Variants in EVI5L observed in about 807,000 individuals in gnomAD.
EVI5L encodes EVI5-like protein.
EVI5L carries 30 observed loss-of-function variants against 106.1 expected under a neutral mutation model. The ratio of observed to expected loss-of-function variants is 0.28; its 90% CI spans 0.21 to 0.38. The LOEUF (loss-of-function observed/expected upper bound fraction) is 0.38, where lower values mean the gene tolerates loss of function less well. Ranked by LOEUF, EVI5L falls within the 10% of genes least tolerant of loss-of-function variation. The pLI, the probability that EVI5L is intolerant of heterozygous loss-of-function variation, is 1.00. For synonymous variants in EVI5L, 489 were observed against 483.3 expected (o/e 1.01, Z -0.15); for missense variants, 809 against 1,098.0 (o/e 0.74, Z 3.72).
intron 8 of EVI5L, among the ~76,000 whole-genome samples, chr19:7,852,646 G>T (rs973322422): frequency 6.6e-6 from 1 of 151,882 alleles, no homozygotes; most frequent in Non-Finnish European, 1.5e-5. Context: ...CCACCTCCTG[G>T]GCTGAAGCGA....
At position 7,835,213 on chromosome 19, in the gene EVI5L, AAGTGGT is replaced by A. The variant is rs144926843; in HGVS notation, c.-48+4835_-48+4840del. 0.074 allele frequency among the ~76,000 whole-genome samples: 11,175 copies of A among 151,928 alleles called. 406 individuals are homozygous for A. Among genetic ancestry groups the A allele is most frequent in the Middle Eastern group, 0.12 (34 of 292 alleles). On this transcript the variant is annotated intron_variant, in intron 1 of 19. Coordinates refer to ENST00000538904, the MANE Select transcript of EVI5L (RefSeq NM_001159944.3). This position sits in a 1 kb window ranked among gnomAD's most constrained non-coding sequence, Gnocchi z 4.1. ...TCATACCCAAGGTTACAAAGATAGA[AAGTGGT>A]AGAGGAGGCCAGGAGCGGTGGCTCA... is the stretch of plus-strand genomic sequence containing the variant.
At chr19:7,842,457 G>C (rs558418577) in intron 1 of EVI5L, among the ~76,000 whole-genome samples, 118 of 147,680 alleles carry the variant, frequency 8.0e-4, no homozygotes, top group African/African-American at 2.9e-3. Flanking sequence ...ATGTGTGAAT[G>C]TGTGTGTATC....
At chr19:7,862,902 C>T in intron 17 of EVI5L, 70 bp from the exon 18 acceptor site, 1 of 1,166,320 alleles carries the variant, frequency 8.6e-7, no homozygotes, top group South Asian at 1.4e-5. Flanking sequence ...CGCCCCTGCC[C>T]GCGGTCCCGC....
At chr19:7,862,928 GC>G in intron 17 of EVI5L, 43 bp from the exon 18 acceptor site, 1 of 1,276,556 alleles carries the variant, frequency 7.8e-7, no homozygotes, top group Non-Finnish European at 1.1e-6. Flanking sequence ...GATGCGCCGC[GC>G]CCCCTGACCC....
chr19:7,832,659 T>G (rs561865451), intron 1 of EVI5L, among the ~76,000 whole-genome samples: 1 of 152,204 alleles, frequency 6.6e-6, no homozygotes, highest in South Asian at 2.1e-4. Flanking sequence ...GCGAGGGTCT[T>G]AGTTGACACT....
intron 6 of EVI5L, among the ~76,000 whole-genome samples, chr19:7,851,025 G>C (rs1233751385): frequency 1.3e-5 from 2 of 152,092 alleles, no homozygotes; most frequent in Admixed American, 6.5e-5. Context: ...ACAAGGTGGG[G>C]GGGGGGCTCC....
Position 7,837,566 on chromosome 19 carries a change from C to T in EVI5L, c.-48+7185C>T, listed in dbSNP as rs532338737. Among the ~76,000 whole-genome samples, 176 of 152,232 alleles carry T rather than the reference C, an allele frequency of 1.2e-3. 1 individual carries two copies. The highest frequency in any genetic ancestry group is 7.3e-3 in the South Asian group (35 of 4,822). On this transcript the variant is annotated intron_variant, in intron 1 of 19. Transcript: ENST00000538904. ...GATTTCCTTTGTTTTTTCCCAGTAA[C>T]CTTCTTCCATCCCAGGATCCCACAT...
At position 7,858,384 on chromosome 19, in the gene EVI5L, C is replaced by T. The variant is rs1401778459; in HGVS notation, c.1374+53C>T. 9 of 1,497,238 alleles carry T rather than the reference C, an allele frequency of 6.0e-6. No individual in the cohort carries two copies. The highest frequency in any genetic ancestry group is 2.4e-4 in the Middle Eastern group (1 of 4,188). The allele number at this position is 1,497,238 out of a possible 1,614,324, so 92.7% of individuals were successfully genotyped here. On this transcript the variant is annotated intron_variant, in intron 13 of 19. Transcript: ENST00000538904. The surrounding 1 kb of genome is among the most constrained non-coding windows in gnomAD (Gnocchi z 5.7). ...GCGGGGCCATGACCCGCGCCCCCGC[C>T]CCCGCCCAACGGTTTTCTTTCAGGG...
intron 1 of EVI5L, among the ~76,000 whole-genome samples, chr19:7,842,707 G>A (rs1027279154): frequency 4.6e-5 from 7 of 151,876 alleles, no homozygotes; most frequent in African/African-American, 1.7e-4. Flanking sequence ...CAAGTGTGTG[G>A]ATGTGCACGA....
rs1294206867 is a variant in EVI5L at position 7,848,090 on chromosome 19, G to A, written c.327+169G>A. Among the ~76,000 whole-genome samples, 1 of 152,176 alleles carries A rather than the reference G, an allele frequency of 6.6e-6. No individual in the cohort carries two copies. The highest frequency in any genetic ancestry group is 1.9e-4 in the East Asian group (1 of 5,188). On this transcript the variant is annotated intron_variant, in intron 3 of 19. Coordinates refer to ENST00000538904, the MANE Select transcript of EVI5L (RefSeq NM_001159944.3). The surrounding 1 kb of genome is among the most constrained non-coding windows in gnomAD (Gnocchi z 4.8). ...GTCCTGCCAGAGCACAGGGACAGGA[G>A]AGAGTGAGTCAGGGTGGTGCTGGAC...
In EVI5L at chr19:7,848,839, C is replaced by A; in HGVS notation, c.328-82C>A. 1 of 1,360,782 alleles carries A rather than the reference C, an allele frequency of 7.3e-7. No individual in the cohort carries two copies. The highest frequency in any genetic ancestry group is 1.0e-6 in the Non-Finnish European group (1 of 980,456). 84.3% of individuals were successfully genotyped at this position (1,360,782 alleles called of 1,614,324 possible). ...CCATGCTTGAGGCCTGGATGAGCCA[C>A]GCCTGAGGAGCTGGGCTGGGTGGCC... On this transcript the variant is annotated intron_variant, in intron 3 of 19. Coordinates refer to ENST00000538904, the MANE Select transcript of EVI5L (RefSeq NM_001159944.3). This position sits in a 1 kb window ranked among gnomAD's most constrained non-coding sequence, Gnocchi z 4.8.
chr19:7,853,580 C>T (rs571718472), intron 10 of EVI5L: 554 of 582,466 alleles, frequency 9.5e-4, no homozygotes, highest in African/African-American at 9.2e-3. Context: ...GGCCGCCCAG[C>T]GTCATGGGGA....
chr19:7,857,343 C>T lies in EVI5L; in HGVS notation c.1233+219C>T, dbSNP rs1322858576. 1.7e-5 allele frequency: 11 copies of T among 631,236 alleles called. No homozygotes were observed. The highest frequency in any genetic ancestry group is 3.7e-5 in the African/African-American group (2 of 54,744). 39.1% of individuals were successfully genotyped at this position (631,236 alleles called of 1,614,324 possible). On this transcript the variant is annotated intron_variant, in intron 12 of 19. Transcript: ENST00000538904. This position sits in a 1 kb window ranked among gnomAD's most constrained non-coding sequence, Gnocchi z 4.5. ...GGTGTGTGTGGAGGGGCTGTGAGTG[C>T]GTTTGGGTGTGAATGTCCACATGCA... is the stretch of plus-strand genomic sequence containing the variant.
chr19:7,859,636 T>C (rs1378952431), intron 13 of EVI5L, among the ~76,000 whole-genome samples: 1 of 152,192 alleles, frequency 6.6e-6, no homozygotes, highest in Non-Finnish European at 1.5e-5. Context: ...GCATGGACAT[T>C]AGGGAAACTG....
Position 7,860,554 on chromosome 19 carries a change from C to T in EVI5L, c.1375-7C>T, listed in dbSNP as rs1399834659. 3.8e-6 allele frequency: 6 copies of T among 1,580,224 alleles called. No individual in the cohort carries two copies. Among genetic ancestry groups the T allele is most frequent in the Non-Finnish European group, 5.1e-6 (6 of 1,165,174 alleles). ...TGGGGCCCCACGCAGCTCTCTGCCTCCCCCAGGAGAACCCCCGCCTCACAG... is the reference window on the plus strand; with the variant it reads ...TGGGGCCCCACGCAGCTCTCTGCCTTCCCCAGGAGAACCCCCGCCTCACAG... On this transcript the variant is annotated splice_polypyrimidine_tract_variant and splice_region_variant and intron_variant, in intron 13 of 19. Coordinates refer to ENST00000538904, the MANE Select transcript of EVI5L (RefSeq NM_001159944.3).
At chr19:7,833,938 G>A (rs949378413) in intron 1 of EVI5L, among the ~76,000 whole-genome samples, 4 of 152,218 alleles carry the variant, frequency 2.6e-5, no homozygotes, top group African/African-American at 9.6e-5. Flanking sequence ...CAATTCATCA[G>A]GGTTAGGGAA....
rs1979047746 is a variant in EVI5L, at chr19:7,848,103, G to T, written c.327+182G>T. 6.6e-6 allele frequency among the ~76,000 whole-genome samples: 1 copy of T among 152,174 alleles called. No individual in the cohort carries two copies. The highest frequency in any genetic ancestry group is 6.5e-5 in the Admixed American group (1 of 15,280). On this transcript the variant is annotated intron_variant, in intron 3 of 19. Transcript: ENST00000538904. The surrounding 1 kb of genome is among the most constrained non-coding windows in gnomAD (Gnocchi z 4.8). ...ACAGGGACAGGAGAGAGTGAGTCAG[G>T]GTGGTGCTGGACAGGCCCTGCACCC... is the stretch of plus-strand genomic sequence containing the variant.
intron 1 of EVI5L, among the ~76,000 whole-genome samples, chr19:7,843,071 G>A (rs564928583): frequency 1.3e-5 from 2 of 151,036 alleles, no homozygotes; most frequent in Non-Finnish European, 3.0e-5. Flanking sequence ...GTATGTGCAT[G>A]TGTGTGTATA....
intron 1 of EVI5L, among the ~76,000 whole-genome samples, chr19:7,843,424 T>G (rs1240034345): frequency 3.1e-5 from 2 of 63,962 alleles, no homozygotes; most frequent in African/African-American, 4.8e-5. Flanking sequence ...TAGGCATGGG[T>G]GTGTCGAGAG....
Sources: gnomAD v4.1 joint callset for allele counts (sites outside exome capture counted in the v4.1 genomes callset) on GRCh38, gnomAD v4.1.1 for gene constraint, Gnocchi (gnomAD v3.1) non-coding constraint, MANE v1.5 for transcripts, NCBI Gene and HGNC (gene_info 2026-07-23, HGNC 2026-07-21) for gene names.